Variants in MBNL2 observed in about 807,000 individuals in gnomAD.
The protein encoded by MBNL2 is muscleblind-like protein 2.
A neutral mutation model predicts 41.9 loss-of-function variants in MBNL2; 17 were observed. That is an observed-to-expected ratio of 0.41 (90% CI 0.28 to 0.61). The LOEUF is 0.61. Ranked by LOEUF, MBNL2 falls within the 20% of genes least tolerant of loss-of-function variation. MBNL2 has a pLI of 0.35. For missense variants in MBNL2, 336 were observed against 505.6 expected (o/e 0.66, Z 3.22); for synonymous variants, 195 against 182.9 (o/e 1.07, Z -0.53).
At chr13:97,326,474 A>G (rs2059920607) in intron 2 of MBNL2, among the ~76,000 whole-genome samples, 1 of 152,244 alleles carries the variant, frequency 6.6e-6, no homozygotes, top group Non-Finnish European at 1.5e-5. Context: ...TTATTTGCAT[A>G]TCTAGACTGT....
At chr13:97,332,289 T>C (rs923069755) in intron 2 of MBNL2, among the ~76,000 whole-genome samples, 8 of 152,200 alleles carry the variant, frequency 5.3e-5, no homozygotes, top group Admixed American at 4.6e-4. Flanking sequence ...CCACCCCAGC[T>C]GATGGGCTGT....
intron 2 of MBNL2, among the ~76,000 whole-genome samples, chr13:97,333,998 GAA>G (rs1189695149): frequency 1.4e-5 from 1 of 73,186 alleles, no homozygotes; most frequent in Non-Finnish European, 2.6e-5. Context: ...GAAAGAAAGA[GAA>G]AGAGAGAAAG....
chr13:97,159,093 A>C, the MBNL2 span, among the ~76,000 whole-genome samples: 1 of 152,062 alleles, frequency 6.6e-6, no homozygotes, highest in African/African-American at 2.4e-5. Context: ...TATTGGGTGC[A>C]TATATATTTA....
At chr13:97,385,602 TAACTC>T (rs371716510) in intron 8 of MBNL2, among the ~76,000 whole-genome samples, 264 of 152,346 alleles carry the variant, frequency 1.7e-3, no homozygotes, top group African/African-American at 6.0e-3. Flanking sequence ...TTTTAAAAAA[TAACTC>T]ATCTGACATC....
chr13:97,333,141 T>G (rs1489066091), intron 2 of MBNL2, among the ~76,000 whole-genome samples: 1 of 152,218 alleles, frequency 6.6e-6, no homozygotes, highest in East Asian at 1.9e-4. Flanking sequence ...AAAATTATTT[T>G]TATATCTGGT....
At chr13:97,145,379 AAG>A in the MBNL2 span, among the ~76,000 whole-genome samples, 1 of 152,216 alleles carries the variant, frequency 6.6e-6, no homozygotes, top group Non-Finnish European at 1.5e-5. Flanking sequence ...AAAGAGAGAA[AAG>A]AGAGGTCAGG....
the MBNL2 span, among the ~76,000 whole-genome samples, chr13:97,193,107 T>C: frequency 5.3e-5 from 8 of 152,242 alleles, no homozygotes; most frequent in African/African-American, 1.7e-4. Context: ...AAGGCTGCAG[T>C]TGGGTGCCTG....
chr13:97,360,138 A>G (rs1049160178), intron 7 of MBNL2, among the ~76,000 whole-genome samples: 1 of 152,226 alleles, frequency 6.6e-6, no homozygotes, highest in African/African-American at 2.4e-5. Context: ...TTTTAAATGA[A>G]CAGATTTTGA....
chr13:97,355,551 A>T (rs1470786300), intron 5 of MBNL2, among the ~76,000 whole-genome samples: 1 of 152,130 alleles, frequency 6.6e-6, no homozygotes, highest in Non-Finnish European at 1.5e-5. Flanking sequence ...TTTTATTTGC[A>T]TTGGAGCAAT....
intron 1 of MBNL2, among the ~76,000 whole-genome samples, chr13:97,233,437 T>C (rs1232435732): frequency 6.7e-6 from 1 of 149,840 alleles, no homozygotes; most frequent in Non-Finnish European, 1.5e-5. Context: ...TGGTCTCTTT[T>C]CTAATGTCCT....
intron 2 of MBNL2, among the ~76,000 whole-genome samples, chr13:97,279,932 G>A (rs567998461): frequency 2.6e-5 from 4 of 152,174 alleles, no homozygotes; most frequent in East Asian, 3.9e-4. Context: ...CACATACCTC[G>A]TTGCATTTTA....
chr13:97,358,768 C>A (rs1341681678), intron 7 of MBNL2, among the ~76,000 whole-genome samples: 1 of 152,162 alleles, frequency 6.6e-6, no homozygotes, highest in Non-Finnish European at 1.5e-5. Flanking sequence ...AAATGAATAA[C>A]AATTCTAACA....
At chr13:97,312,398 G>A (rs911070906) in intron 2 of MBNL2, among the ~76,000 whole-genome samples, 1 of 151,748 alleles carries the variant, frequency 6.6e-6, no homozygotes, top group African/African-American at 2.4e-5. Flanking sequence ...TCATGTTTTT[G>A]CACTTGTTTC....
At chr13:97,179,944 A>G in the MBNL2 span, among the ~76,000 whole-genome samples, 7 of 152,358 alleles carry the variant, frequency 4.6e-5, no homozygotes, top group African/African-American at 1.7e-4. Context: ...TTAAAGAGCA[A>G]TAGAAAACCG....
chr13:97,354,357 T>C (rs570374459), intron 5 of MBNL2, among the ~76,000 whole-genome samples: 5 of 152,360 alleles, frequency 3.3e-5, no homozygotes, highest in Admixed American at 6.5e-5. Flanking sequence ...CATTATAACA[T>C]GATTATTCAT....
chr13:97,151,883 A>T, the MBNL2 span, among the ~76,000 whole-genome samples: 1 of 152,102 alleles, frequency 6.6e-6, no homozygotes, highest in Non-Finnish European at 1.5e-5. Context: ...TACCCCATGA[A>T]ATGCTCAGCC....
At position 97,365,134 on chromosome 13, in the gene MBNL2, A is replaced by G; in HGVS notation, c.1013-2A>G. ...TTTCCACCCACCATTGCATGACATC[A>G]GGGTCAGTTTTGTGCATGACACCCG... On this transcript the variant is annotated splice_acceptor_variant, in intron 7 of 8. Coordinates refer to ENST00000679496, the MANE Select transcript of MBNL2 (RefSeq NM_001382683.1). LOFTEE classifies it high-confidence loss of function. The G allele has an allele frequency of 6.2e-7, 1 of 1,602,260 alleles. No homozygotes were observed. Among genetic ancestry groups the G allele is most frequent in the Non-Finnish European group, 8.6e-7 (1 of 1,169,172 alleles).
intron 1 of MBNL2, among the ~76,000 whole-genome samples, chr13:97,267,817 C>T (rs376761814): frequency 4.6e-5 from 7 of 152,304 alleles, no homozygotes; most frequent in African/African-American, 9.6e-5. Flanking sequence ...AGCACTCTTA[C>T]AATTGTTTCT....
At chr13:97,364,406 C>A (rs1437294388) in intron 7 of MBNL2, among the ~76,000 whole-genome samples, 1 of 152,182 alleles carries the variant, frequency 6.6e-6, no homozygotes, top group African/African-American at 2.4e-5. Flanking sequence ...CCAGGCACTA[C>A]TCCTTTATCA....
Sources: allele counts gnomAD v4.1 joint callset (sites outside exome capture counted in the v4.1 genomes callset), GRCh38; gene constraint gnomAD v4.1.1; transcripts MANE v1.5; gene names NCBI Gene and HGNC (gene_info 2026-07-23, HGNC 2026-07-21).